FRMPD4: variants seen among roughly 807,000 people sequenced by gnomAD.
FRMPD4 encodes the protein FERM and PDZ domain containing 4.
A neutral mutation model predicts 94.1 loss-of-function variants in FRMPD4; 22 were observed. The observed-to-expected ratio is 0.23, with a 90% CI of 0.17 to 0.33. The LOEUF (loss-of-function observed/expected upper bound fraction) is 0.33. Ranked by LOEUF, FRMPD4 falls within the 10% of genes least tolerant of loss-of-function variation. FRMPD4 has a pLI of 1.00. For missense variants in FRMPD4, 1,111 were observed against 1,339.9 expected, an observed-to-expected ratio of 0.83 and a Z score of 2.67; for synonymous variants, 631 against 548.6, an observed-to-expected ratio of 1.15 and a Z score of -2.10.
chrX:12,649,923 G>A (rs1392458143), intron 4 of FRMPD4, among the ~76,000 whole-genome samples: 1 of 112,447 alleles, frequency 8.9e-6, no homozygotes, highest in African/African-American at 3.2e-5. Context: ...CTCCCAATTT[G>A]TTCTCTCTCT....
At chrX:12,331,791 T>A (rs1166419684) in intron 1 of FRMPD4, among the ~76,000 whole-genome samples, 11 of 55,580 alleles carry the variant, frequency 2.0e-4, no homozygotes, top group Non-Finnish European at 3.0e-4. Context: ...ATTTATATAC[T>A]GTATATAAAT....
At chrX:12,479,424 G>GTACGTA (rs2057649035) in intron 1 of FRMPD4, among the ~76,000 whole-genome samples, 1 of 68,830 alleles carries the variant, frequency 1.5e-5, no homozygotes. Context: ...ACATATATAC[G>GTACGTA]TATATATATA....
chrX:12,267,769 C>T (rs1385903616), intron 1 of FRMPD4, among the ~76,000 whole-genome samples: 1 of 112,483 alleles, frequency 8.9e-6, no homozygotes, highest in Non-Finnish European at 1.9e-5. Context: ...TGCAGACCAG[C>T]CTGCTGGGTT....
At position 12,706,923 on chromosome X, in the gene FRMPD4, C is replaced by CTTTT. The variant is rs746601138; in HGVS notation, c.1287+23_1287+26dup. 7.2e-5 allele frequency: 44 copies of CTTTT among 609,113 alleles called. No homozygotes were observed. The highest frequency in any genetic ancestry group is 1.7e-4 in the South Asian group (5 of 29,705). 50.2% of individuals were successfully genotyped at this position (609,113 alleles called of 1,213,427 possible). The stretch of plus-strand genomic sequence containing the variant: ...TTCAAGGCAACATTAGTGGTAATTT[C>CTTTT]TTTTTTTTTTTTTTTTTTGCTTTCT... On this transcript the variant is annotated intron_variant, in intron 12 of 16. Transcript: ENST00000675598.
intron 1 of FRMPD4, among the ~76,000 whole-genome samples, chrX:11,848,364 G>T (rs1166631163): frequency 9.0e-6 from 1 of 111,090 alleles, no homozygotes; most frequent in African/African-American, 3.3e-5. Context: ...TTACTCCTTT[G>T]CCTGCATAAC....
intron 9 of FRMPD4, among the ~76,000 whole-genome samples, chrX:12,695,682 C>T (rs773334128): frequency 1.4e-3 from 152 of 112,063 alleles, no homozygotes; most frequent in Non-Finnish European, 2.4e-3. Flanking sequence ...GGATTACAGG[C>T]GTGAGCCACC....
At chrX:12,719,669 T>C (rs2042180888) in intron 16 of FRMPD4, among the ~76,000 whole-genome samples, 1 of 111,971 alleles carries the variant, frequency 8.9e-6, no homozygotes. Flanking sequence ...TTACCTCCTT[T>C]GGAAAAGCTG....
At chrX:12,679,849 T>C (rs6654962) in intron 5 of FRMPD4, among the ~76,000 whole-genome samples, 1,722 of 111,054 alleles carry the variant, frequency 0.016, 44 homozygotes, top group African/African-American at 0.054. Flanking sequence ...ACTGGTTTAT[T>C]CTCCCTTCCT....
intron 4 of FRMPD4, among the ~76,000 whole-genome samples, chrX:12,642,859 T>A (rs1244432546): frequency 1.8e-5 from 2 of 112,158 alleles, no homozygotes; most frequent in South Asian, 3.8e-4. Flanking sequence ...GCTGTGGTAG[T>A]GCCATTTAAC....
At chrX:12,188,344 GACAGTAATAGC>G (rs201198035) in intron 1 of FRMPD4, among the ~76,000 whole-genome samples, 2,584 of 111,743 alleles carry the variant, frequency 0.023, 80 homozygotes, top group African/African-American at 0.08. Flanking sequence ...GTAAAATGAA[GACAGTAATAGC>G]ACCTAATGCA....
intron 2 of FRMPD4, among the ~76,000 whole-genome samples, chrX:12,603,383 C>T (rs780503588): frequency 1.8e-5 from 2 of 112,095 alleles, no homozygotes; most frequent in Non-Finnish European, 3.8e-5. Flanking sequence ...TTTCACACAG[C>T]ATGCTTTCTA....
At chrX:12,646,602 T>C (rs1316734068) in intron 4 of FRMPD4, among the ~76,000 whole-genome samples, 2 of 111,689 alleles carry the variant, frequency 1.8e-5, no homozygotes, top group Non-Finnish European at 3.8e-5. Context: ...CATTTCAAAA[T>C]AGCTGTGTTT....
intron 1 of FRMPD4, among the ~76,000 whole-genome samples, chrX:12,198,758 C>A (rs2056595159): frequency 1.8e-5 from 2 of 111,858 alleles, no homozygotes; most frequent in African/African-American, 6.5e-5. Context: ...TGTGGTCAGA[C>A]AACTGAACCC....
intron 1 of FRMPD4, among the ~76,000 whole-genome samples, chrX:12,281,360 T>C (rs182009509): frequency 1.5e-3 from 157 of 107,824 alleles, no homozygotes; most frequent in African/African-American, 5.1e-3. Flanking sequence ...AGTCTTCATT[T>C]TTTAAAAAAG....
chrX:12,523,945 A>G (rs1018777508), intron 2 of FRMPD4, among the ~76,000 whole-genome samples: 1 of 111,287 alleles, frequency 9.0e-6, no homozygotes, highest in African/African-American at 3.3e-5. Flanking sequence ...TCTTGAGGCC[A>G]GGAGTTCAAG....
At chrX:12,045,018 C>G (rs184751476) in intron 3 of FRMPD4, among the ~76,000 whole-genome samples, 1 of 111,819 alleles carries the variant, frequency 8.9e-6, no homozygotes, top group Non-Finnish European at 1.9e-5. Flanking sequence ...TTTTGGATGG[C>G]CCACAATCTA....
chrX:11,978,970 C>T (rs1359015126), intron 3 of FRMPD4, among the ~76,000 whole-genome samples: 1 of 110,988 alleles, frequency 9.0e-6, no homozygotes, highest in Non-Finnish European at 1.9e-5. Context: ...TTATTACTAC[C>T]TTTAAAAATT....
At chrX:12,568,795 T>A (rs1470175987) in intron 2 of FRMPD4, among the ~76,000 whole-genome samples, 3 of 112,219 alleles carry the variant, frequency 2.7e-5, no homozygotes, top group Non-Finnish European at 3.8e-5. Context: ...TGATTTCTAG[T>A]CTGTGACTCA....
chrX:12,256,435 T>TATTGAAATCTTA (rs1372862051), intron 1 of FRMPD4, among the ~76,000 whole-genome samples: 4 of 112,248 alleles, frequency 3.6e-5, no homozygotes, highest in Non-Finnish European at 7.5e-5. Context: ...AATCAAGACT[T>TATTGAAATCTTA]ATGTTAACCA....
Sources: allele counts gnomAD v4.1 joint callset (sites outside exome capture counted in the v4.1 genomes callset), GRCh38; gene constraint gnomAD v4.1.1; transcripts MANE v1.5; gene names NCBI Gene and HGNC (gene_info 2026-07-23, HGNC 2026-07-21).